Variants in TRIM24 observed in about 807,000 individuals in gnomAD.
The protein encoded by TRIM24 is transcription intermediary factor 1-alpha.
In TRIM24, 29 loss-of-function variants were observed where a neutral mutation model predicts 123.9. The ratio of observed to expected loss-of-function variants is 0.23; its 90% CI spans 0.17 to 0.32. The LOEUF (loss-of-function observed/expected upper bound fraction) is 0.32, where lower values mean the gene tolerates loss of function less well. TRIM24 is among the 10% of genes least tolerant of loss of function. The pLI, the probability that TRIM24 is intolerant of heterozygous loss-of-function variation, is 1.00. For missense variants in TRIM24, 932 were observed against 1,295.3 expected, an observed-to-expected ratio of 0.72 and a Z score of 4.31; for synonymous variants, 456 against 461.1, an observed-to-expected ratio of 0.99 and a Z score of 0.14.
At chr7:138,512,629 TGGCTGGAACTGGAGA>T (rs543680239) in intron 2 of TRIM24, among the ~76,000 whole-genome samples, 160 of 152,212 alleles carry the variant, frequency 1.1e-3, no homozygotes, top group Non-Finnish European at 1.8e-3. Context: ...CTTTGAGCCA[TGGCTGGAACTGGAGA>T]GGCTGGGACA....
At chr7:138,488,269 T>G (rs1795694575) in intron 1 of TRIM24, among the ~76,000 whole-genome samples, 1 of 152,088 alleles carries the variant, frequency 6.6e-6, no homozygotes, top group Admixed American at 6.5e-5. Flanking sequence ...GTTCTATCTA[T>G]TTTGTTGATC....
chr7:138,491,714 G>C lies in TRIM24; in HGVS notation c.365-12576G>C, dbSNP rs1348681778. Among the ~76,000 whole-genome samples, 3 of 152,130 alleles carry C rather than the reference G, an allele frequency of 2.0e-5. No individual in the cohort carries two copies. In the East Asian group the frequency reaches 5.8e-4, roughly 29 times the overall value. On this transcript the variant is annotated intron_variant, in intron 1 of 18. Transcript: ENST00000343526. ...GTGTATAGGAGTAGAATGGCTGTTA[G>C]CTTTTTGGTGAACTACAAAACTGTT...
intron 1 of TRIM24, among the ~76,000 whole-genome samples, chr7:138,468,825 T>C (rs1344456653): frequency 1.3e-5 from 2 of 152,210 alleles, no homozygotes; most frequent in Admixed American, 1.3e-4. Context: ...CCTTTCTCTG[T>C]TCAGCTCCCT....
intron 5 of TRIM24, among the ~76,000 whole-genome samples, chr7:138,525,927 A>G (rs1268536402): frequency 4.6e-5 from 7 of 152,334 alleles, no homozygotes; most frequent in Non-Finnish European, 1.0e-4. Context: ...AGTCTTAGAC[A>G]TCAGTGATTA....
At chr7:138,477,740 A>G (rs1027941449) in intron 1 of TRIM24, among the ~76,000 whole-genome samples, 1 of 152,172 alleles carries the variant, frequency 6.6e-6, no homozygotes, top group Non-Finnish European at 1.5e-5. Context: ...TTGTGGTAAT[A>G]TCATTAGGCA....
chr7:138,577,909 T>C (rs1251690854), intron 14 of TRIM24, among the ~76,000 whole-genome samples: 2 of 152,142 alleles, frequency 1.3e-5, no homozygotes, highest in African/African-American at 4.8e-5. Flanking sequence ...TCAAAATAAT[T>C]CTTATGTACT....
rs568721356 is a variant in TRIM24, at chr7:138,568,606, C to G, written c.1704+952C>G. ...TTCACCATGTTGGCCAGGCTAGTCTCGAACTCCTGGCCTCAAGTGATATGC... is the reference window on the plus strand; with the variant it reads ...TTCACCATGTTGGCCAGGCTAGTCTGGAACTCCTGGCCTCAAGTGATATGC... On this transcript the variant is annotated intron_variant, in intron 10 of 18. Coordinates refer to ENST00000343526, the MANE Select transcript of TRIM24 (RefSeq NM_015905.3). 9.2e-5 allele frequency among the ~76,000 whole-genome samples: 14 copies of G among 151,840 alleles called. No individual in the cohort carries two copies. The South Asian group carries it at 2.7e-3, about 29-fold the overall frequency.
chr7:138,466,637 G>A (rs1168887885), intron 1 of TRIM24, among the ~76,000 whole-genome samples: 1 of 151,864 alleles, frequency 6.6e-6, no homozygotes, highest in Admixed American at 6.6e-5. Context: ...ATGGGCGTGA[G>A]CCACCACGCC....
chr7:138,478,122 C>T (rs1563025067), intron 1 of TRIM24, among the ~76,000 whole-genome samples: 1 of 151,980 alleles, frequency 6.6e-6, no homozygotes, highest in Non-Finnish European at 1.5e-5. Context: ...AGATTTCCAA[C>T]TAAAATTATA....
chr7:138,522,510 A>G (rs1268781069), intron 4 of TRIM24, among the ~76,000 whole-genome samples: 1 of 152,204 alleles, frequency 6.6e-6, no homozygotes, highest in African/African-American at 2.4e-5. Context: ...TGGAAATGAA[A>G]TTCTTGTGAT....
intron 1 of TRIM24, among the ~76,000 whole-genome samples, chr7:138,484,964 G>A (rs528410881): frequency 6.6e-6 from 1 of 151,774 alleles, no homozygotes; most frequent in Non-Finnish European, 1.5e-5. Context: ...CAATTTTATT[G>A]ATATAGGTAG....
At chr7:138,546,821 C>T (rs998398376) in intron 7 of TRIM24, among the ~76,000 whole-genome samples, 33 of 152,224 alleles carry the variant, frequency 2.2e-4, no homozygotes, top group African/African-American at 5.5e-4. Context: ...GAAAGGGGAA[C>T]GCTTGCATCC....
rs755566536 is a variant in TRIM24, at chr7:138,585,773, C to G, written c.*822C>G. ...AATTGTACAGGTGATCCTTTTACAA[C>G]AAGCCTCATTGTTTGCAGTATAGCT... On this transcript the variant is annotated 3_prime_UTR_variant, in exon 19 of 19. Coordinates refer to ENST00000343526, the MANE Select transcript of TRIM24 (RefSeq NM_015905.3). The G allele has an allele frequency of 1.9e-6, 1 of 521,974 alleles. No individual in the cohort carries two copies. The highest frequency in any genetic ancestry group is 1.4e-5 in the South Asian group (1 of 71,134). 32.3% of individuals were successfully genotyped at this position (521,974 alleles called of 1,614,324 possible).
At chr7:138,570,608 G>A (rs1797632969) in intron 10 of TRIM24, among the ~76,000 whole-genome samples, 1 of 147,352 alleles carries the variant, frequency 6.8e-6, no homozygotes, top group African/African-American at 2.5e-5. Flanking sequence ...ACTAACTGTT[G>A]TCTTCCAGTA....
intron 17 of TRIM24, among the ~76,000 whole-genome samples, chr7:138,583,039 C>T (rs140173006): frequency 5.7e-4 from 87 of 152,272 alleles, no homozygotes; most frequent in Non-Finnish European, 9.8e-4. Flanking sequence ...TAATAAATAT[C>T]ATCTCATTTA....
At chr7:138,572,261 G>A (rs1402748547) in intron 11 of TRIM24, among the ~76,000 whole-genome samples, 1 of 151,966 alleles carries the variant, frequency 6.6e-6, no homozygotes, top group Non-Finnish European at 1.5e-5. Context: ...AATCCCCATA[G>A]TTTTATTTGG....
Position 138,573,514 on chromosome 7 carries a change from G to A in TRIM24, c.1886G>A (p.Cys629Tyr). The change falls in exon 12 of 19, where the codon TGT (cysteine) becomes TAT (tyrosine). Residue 629 changes from cysteine to tyrosine, a missense_variant. Transcript: ENST00000343526. ...YNLPSLPDID[C>Y]SSTIMLDNIV... ...AATTTCTTTTCTTGTAAGATTGACTGTTCAAGTACTATTATGCTGGACAAT... is the reference window on the plus strand; with the variant it reads ...AATTTCTTTTCTTGTAAGATTGACTATTCAAGTACTATTATGCTGGACAAT... The A allele has an allele frequency of 6.3e-7, 1 of 1,589,670 alleles. No homozygotes were observed. The highest frequency in any genetic ancestry group is 8.5e-7 in the Non-Finnish European group (1 of 1,170,498).
intron 6 of TRIM24, among the ~76,000 whole-genome samples, chr7:138,532,557 G>T (rs1796770477): frequency 6.6e-6 from 1 of 152,120 alleles, no homozygotes. Context: ...GCTCTGTTCT[G>T]TTCCAAAGGT....
intron 4 of TRIM24, among the ~76,000 whole-genome samples, chr7:138,521,021 T>G (rs2116568062): frequency 6.6e-6 from 1 of 152,318 alleles, no homozygotes; most frequent in East Asian, 1.9e-4. Flanking sequence ...TCTAGCAGGA[T>G]AATTAAGAAA....
Sources: gnomAD v4.1 joint callset for allele counts (sites outside exome capture counted in the v4.1 genomes callset) on GRCh38, gnomAD v4.1.1 for gene constraint, MANE v1.5 for transcripts, NCBI Gene and HGNC (gene_info 2026-07-23, HGNC 2026-07-21) for gene names.